The following ANKS1A variants were observed in gnomAD, a reference collection of about 807,000 sequenced individuals.
ANKS1A encodes the protein ankyrin repeat and SAM domain-containing protein 1A.
In ANKS1A, 55 loss-of-function variants were observed where a neutral mutation model predicts 120.3. That is an observed-to-expected ratio of 0.46 (90% CI 0.37 to 0.57). ANKS1A has a LOEUF of 0.57. Among genes scored for constraint, ANKS1A ranks in the 20% least tolerant of loss-of-function variants. The pLI is 0.00. For missense variants in ANKS1A, 1,123 were observed against 1,480.3 expected (o/e 0.76, Z 3.96); for synonymous variants, 590 against 604.7 (o/e 0.98, Z 0.36).
intron 1 of ANKS1A, among the ~76,000 whole-genome samples, chr6:34,966,771 G>A (rs908621631): frequency 5.9e-5 from 9 of 152,050 alleles, no homozygotes; most frequent in Admixed American, 1.3e-4. Flanking sequence ...AGGCAAAATC[G>A]TCTCTTGCAT....
intron 17 of ANKS1A, 148 bp downstream of exon 17, chr6:35,081,306 C>A: frequency 8.8e-7 from 1 of 1,130,256 alleles, no homozygotes. Flanking sequence ...TGCTCGCCCA[C>A]ACCCAGCCGC....
chr6:35,048,173 G>A (rs1255349254), intron 11 of ANKS1A, among the ~76,000 whole-genome samples: 1 of 152,190 alleles, frequency 6.6e-6, no homozygotes, highest in Non-Finnish European at 1.5e-5. Context: ...CCTTTGTCAG[G>A]GAAGACGGAC....
At chr6:35,027,126 A>G (rs1299423128) in intron 11 of ANKS1A, among the ~76,000 whole-genome samples, 1 of 152,206 alleles carries the variant, frequency 6.6e-6, no homozygotes, top group East Asian at 1.9e-4. Flanking sequence ...AAGAGAATTC[A>G]AAATTACTAA....
At chr6:35,042,347 C>G (rs1775502409) in intron 11 of ANKS1A, among the ~76,000 whole-genome samples, 1 of 152,158 alleles carries the variant, frequency 6.6e-6, no homozygotes, top group Admixed American at 6.5e-5. Flanking sequence ...CTCTCATTTT[C>G]TCTTCAGGAA....
At chr6:35,005,820 A>C (rs1773418835) in intron 10 of ANKS1A, 1 of 425,632 alleles carries the variant, frequency 2.3e-6, no homozygotes, top group African/African-American at 2.1e-5. Flanking sequence ...TGGGACCCCA[A>C]GGTGGGTGGA....
Position 35,091,057 on chromosome 6 carries a change from T to G in ANKS1A, c.*2448T>G. On this transcript the variant is annotated 3_prime_UTR_variant, in exon 24 of 24. Coordinates refer to ENST00000360359, the MANE Select transcript of ANKS1A (RefSeq NM_015245.3). The stretch of plus-strand genomic sequence containing the variant: ...AAACCAGTCTGAATTGGGTCTGTCT[T>G]TGAGATGCCCAGGCCAGCAGAAAGC... The G allele has an allele frequency of 1.0e-6, 1 of 985,880 alleles. No individual in the cohort carries two copies. 61.1% of individuals were successfully genotyped at this position (985,880 alleles called of 1,614,324 possible).
At chr6:34,980,187 G>A (rs1771829992) in intron 3 of ANKS1A, among the ~76,000 whole-genome samples, 2 of 152,228 alleles carry the variant, frequency 1.3e-5, no homozygotes, top group Admixed American at 1.3e-4. Flanking sequence ...CTGGCAGGCC[G>A]GCTGTATCCT....
At chr6:35,045,218 ACTCCTCATTAGAGCCCTGC>A (rs2127580253) in intron 11 of ANKS1A, among the ~76,000 whole-genome samples, 1 of 152,134 alleles carries the variant, frequency 6.6e-6, no homozygotes, top group East Asian at 1.9e-4. Flanking sequence ...TAATAAATTA[ACTCCTCATTAGAGCCCTGC>A]CTTGAAAGCA....
chr6:35,070,482 ATCT>A (rs1294679169), intron 13 of ANKS1A, among the ~76,000 whole-genome samples: 1 of 117,340 alleles, frequency 8.5e-6, no homozygotes, highest in African/African-American at 3.0e-5. Context: ...ACAAGCCTTT[ATCT>A]TTTTTTTTTT....
chr6:34,898,566 C>T (rs753344110), intron 1 of ANKS1A, among the ~76,000 whole-genome samples: 18 of 152,222 alleles, frequency 1.2e-4, no homozygotes, highest in Admixed American at 3.9e-4. Context: ...TTTTGGATTT[C>T]TGAATTGTTG....
intron 10 of ANKS1A, among the ~76,000 whole-genome samples, chr6:35,009,445 A>G (rs2395601): frequency 0.81 from 123,014 of 152,050 alleles, 50,763 homozygotes; most frequent in Non-Finnish European, 0.9. Context: ...GAGGGATGAT[A>G]TTAAATCCGG....
intron 1 of ANKS1A, among the ~76,000 whole-genome samples, chr6:34,891,618 A>C (rs1766827105): frequency 6.6e-6 from 1 of 151,964 alleles, no homozygotes; most frequent in Non-Finnish European, 1.5e-5. Context: ...ACCCTCAAAC[A>C]CAGGTCAAAT....
chr6:34,891,905 G>A (rs1378957497), intron 1 of ANKS1A, among the ~76,000 whole-genome samples: 1 of 152,234 alleles, frequency 6.6e-6, no homozygotes, highest in Non-Finnish European at 1.5e-5. Context: ...GGGATTACAG[G>A]CGTGAGCCAC....
intron 9 of ANKS1A, among the ~76,000 whole-genome samples, chr6:34,993,123 T>C (rs1011848165): frequency 2.6e-5 from 4 of 152,200 alleles, no homozygotes; most frequent in African/African-American, 9.7e-5. Context: ...CAAGAAGAGA[T>C]CTTGAGCCTT....
intron 8 of ANKS1A, among the ~76,000 whole-genome samples, chr6:34,986,813 C>T (rs1355887661): frequency 1.3e-5 from 2 of 152,196 alleles, no homozygotes; most frequent in African/African-American, 4.8e-5. Flanking sequence ...TGCTGAGCAC[C>T]ACCAGTATAG....
intron 1 of ANKS1A, among the ~76,000 whole-genome samples, chr6:34,908,216 T>A (rs1767733382): frequency 6.6e-6 from 1 of 152,206 alleles, no homozygotes; most frequent in Admixed American, 6.5e-5. Context: ...TCTCCTAGAC[T>A]ACTTGTACCC....
chr6:34,995,964 A>G (rs1772830225), intron 10 of ANKS1A, among the ~76,000 whole-genome samples: 1 of 152,206 alleles, frequency 6.6e-6, no homozygotes, highest in Non-Finnish European at 1.5e-5. Context: ...GTTTAACTTT[A>G]TATGAAATAT....
At chr6:34,937,732 T>C (rs908836265) in intron 1 of ANKS1A, among the ~76,000 whole-genome samples, 1 of 152,150 alleles carries the variant, frequency 6.6e-6, no homozygotes, top group African/African-American at 2.4e-5. Flanking sequence ...AAATCCTTCA[T>C]TGGGTTGTTT....
At chr6:35,032,505 A>G (rs1289277164) in intron 11 of ANKS1A, among the ~76,000 whole-genome samples, 1 of 152,180 alleles carries the variant, frequency 6.6e-6, no homozygotes, top group Non-Finnish European at 1.5e-5. Context: ...GCGGCTCCCC[A>G]GCCCCAAACG....
Sources: allele counts gnomAD v4.1 joint callset (sites outside exome capture counted in the v4.1 genomes callset), GRCh38; gene constraint gnomAD v4.1.1; transcripts MANE v1.5; gene names NCBI Gene and HGNC (gene_info 2026-07-23, HGNC 2026-07-21).